SON: variants seen among roughly 807,000 people sequenced by gnomAD.
SON encodes SON DNA and RNA binding protein, also known as protein SON.
In SON, 4 loss-of-function variants were observed where a neutral mutation model predicts 173.3. The ratio of observed to expected loss-of-function variants is 0.02; its 90% CI spans 0.01 to 0.05. SON has a LOEUF of 0.05. SON is among the 10% of genes least tolerant of loss of function. The probability of loss-of-function intolerance (pLI) is 1.00; values close to 1 mark genes in which losing one functional copy is unlikely to be tolerated. For missense variants in SON, 2,626 were observed against 3,055.3 expected, an observed-to-expected ratio of 0.86 and a Z score of 3.31; for synonymous variants, 1,190 against 1,105.9, an observed-to-expected ratio of 1.08 and a Z score of -1.51.
chr21:33,573,894 C>T (rs1033885734), intron 9 of SON, among the ~76,000 whole-genome samples: 2 of 152,102 alleles, frequency 1.3e-5, no homozygotes, highest in East Asian at 1.9e-4. Flanking sequence ...ATTTCATAAA[C>T]CCTGTTTGCT....
At position 33,554,157 on chromosome 21, in the gene SON, A is replaced by G. The variant is rs1247121703; in HGVS notation, c.4926A>G (p.Val1642=). 2.5e-6 allele frequency: 4 copies of G among 1,614,156 alleles called. No individual in the cohort carries two copies. The South Asian group carries it at 4.4e-5, about 18-fold the overall frequency. Residue 1642 remains valine (V), a synonymous_variant, in exon 3 of 12, where the codon GTA becomes GTG. Coordinates refer to ENST00000356577, the MANE Select transcript of SON (RefSeq NM_138927.4). ...CTCAAGATACTGAACATGACATGGT[A>G]ATTTCCACCAGTCCTAGTGGTGGTA... ...LTTQDTEHDM[V]ISTSPSGGSE...
chr21:33,543,916 G>T (rs1330353288), intron 1 of SON, among the ~76,000 whole-genome samples: 3 of 152,200 alleles, frequency 2.0e-5, no homozygotes, highest in Non-Finnish European at 4.4e-5. Context: ...ATTGCTGGTA[G>T]ACTTTACATA....
In SON at chr21:33,543,133, T is replaced by C. The variant is rs778256652; in HGVS notation, c.41T>C (p.Val14Ala). 6.2e-7 allele frequency: 1 copy of C among 1,614,250 alleles called. No individual in the cohort carries two copies. Among genetic ancestry groups the C allele is most frequent in the Non-Finnish European group, 8.5e-7 (1 of 1,180,040 alleles). ...GAGCAGATTTTTAGGTCTTTCGTGG[T>C]CAGTAAATTCCGGGAAATTCAACAG... ...NIEQIFRSFV[V>A]SKFREIQQEL... Residue 14 changes from valine (V) to alanine (A), a missense_variant, in exon 1 of 12, where the codon GTC (valine) becomes GCC (alanine). Physicochemically the swap from Val to Ala is moderately conservative, Grantham distance 64. Transcript: ENST00000356577.
chr21:33,574,743 C>G (rs2086361786), intron 9 of SON, among the ~76,000 whole-genome samples: 1 of 152,200 alleles, frequency 6.6e-6, no homozygotes, highest in African/African-American at 2.4e-5. Context: ...AAGGAATACT[C>G]AACCTGTATA....
intron 6 of SON, among the ~76,000 whole-genome samples, chr21:33,561,808 A>C (rs989124227): frequency 6.6e-6 from 1 of 152,212 alleles, no homozygotes; most frequent in Non-Finnish European, 1.5e-5. Context: ...GTACTCAAAT[A>C]ATGGTGACAT....
At chr21:33,560,272 G>A in intron 6 of SON, 1 of 1,438,886 alleles carries the variant, frequency 6.9e-7, no homozygotes. Context: ...GTTTCTTACT[G>A]TTTCTCTGGG....
At chr21:33,547,142 T>C (rs1204013551) in intron 2 of SON, 1 of 150,980 alleles carries the variant, frequency 6.6e-6, no homozygotes. Flanking sequence ...GCCCGGCTAA[T>C]TTTTTTTTGT....
At chr21:33,576,096 TAAAATA>T (rs2086393782) in intron 11 of SON, among the ~76,000 whole-genome samples, 1 of 152,078 alleles carries the variant, frequency 6.6e-6, no homozygotes, top group South Asian at 2.1e-4. Context: ...TGGAAAAGGG[TAAAATA>T]TAGTATACAA....
Position 33,550,207 on chromosome 21 carries a change from A to G in SON, c.976A>G (p.Met326Val), listed in dbSNP as rs1221115997. ...CCCTGAGCCAAGCACATCAACAACA[A>G]TGGATTTTCCAGAGTCATCTGCAAT... ...VYPEPSTSTT[M>V]DFPESSAIEA... The change falls in exon 3 of 12, where the codon ATG becomes GTG. Residue 326 changes from methionine to valine, a missense_variant. By Grantham distance (21) the Met-to-Val change is conservative. Around this residue, in one of 13 missense-constraint regions of SON, gnomAD observed 757 missense variants for 730.1 expected, o/e 1.04. Transcript: ENST00000356577. 11 of 1,614,124 alleles carry G rather than the reference A, an allele frequency of 6.8e-6. No individual in the cohort carries two copies. The highest frequency in any genetic ancestry group is 2.2e-5 in the East Asian group (1 of 44,898).
chr21:33,565,157 G>T (rs1465688828), intron 6 of SON, among the ~76,000 whole-genome samples: 1 of 152,128 alleles, frequency 6.6e-6, no homozygotes, highest in African/African-American at 2.4e-5. Flanking sequence ...AACATTCGCA[G>T]GTGTAATAGT....
chr21:33,555,446 T>A, intron 3 of SON, 55 bp downstream of exon 3: 1 of 1,376,824 alleles, frequency 7.3e-7, no homozygotes, highest in Non-Finnish European at 9.5e-7. Flanking sequence ...TAAACCTTAA[T>A]TTTTTTCTGA....
In SON at chr21:33,555,105, C is replaced by T; in HGVS notation, c.5874C>T (p.Arg1958=). The T allele has an allele frequency of 6.7e-7, 1 of 1,495,294 alleles. No individual in the cohort carries two copies. The highest frequency in any genetic ancestry group is 9.0e-7 in the Non-Finnish European group (1 of 1,115,760). 92.6% of individuals were successfully genotyped at this position (1,495,294 alleles called of 1,614,324 possible). A position where few individuals can be genotyped will look rare whatever the true frequency, so the allele number is the denominator to read the frequency against. ...GCATTTCCCCAAGCCGCCGCAGCCG[C>T]ACCCCCAGCCGCCGCAGCCGCACCC... is the stretch of plus-strand genomic sequence containing the variant. ...SFSISPSRRS[R]TPSRRSRTPS... is the part of the protein sequence containing the mutation. The change falls in exon 3 of 12, where the codon CGC becomes CGT. Residue 1958 remains arginine, a synonymous_variant. Coordinates refer to ENST00000356577, the MANE Select transcript of SON (RefSeq NM_138927.4).
Position 33,548,109 on chromosome 21 carries a change from GTAAA to G in SON, c.245-1361_245-1358del, listed in dbSNP as rs537355683. On this transcript the variant is annotated intron_variant, in intron 2 of 11. Coordinates refer to ENST00000356577, the MANE Select transcript of SON (RefSeq NM_138927.4). The stretch of plus-strand genomic sequence containing the variant: ...TATCTAATTTGATATTGGCATTAGA[GTAAA>G]TAAATCCCATCTGGTTGTTAAAGTT... 6.0e-5 allele frequency among the ~76,000 whole-genome samples: 9 copies of G among 149,056 alleles called. No homozygotes were observed. The South Asian group carries it at 1.1e-3, about 18-fold the overall frequency.
chr21:33,558,161 T>G (rs369146513), intron 4 of SON: 1 of 152,816 alleles, frequency 6.5e-6, no homozygotes, highest in African/African-American at 2.4e-5. Flanking sequence ...TTTATCCTAT[T>G]GTAATATTTT....
At chr21:33,543,496 G>C (rs1294883535) in intron 1 of SON, 2 of 346,100 alleles carry the variant, frequency 5.8e-6, no homozygotes, top group Non-Finnish European at 1.1e-5. Flanking sequence ...GACGGGCCTA[G>C]TTCCTTCCTC....
intron 6 of SON, chr21:33,560,592 ATATC>A (rs973620718): frequency 2.1e-5 from 20 of 932,646 alleles, no homozygotes; most frequent in Non-Finnish European, 2.4e-5. Context: ...ATATATATAT[ATATC>A]TGTATCTTTG....
chr21:33,556,843 G>A (rs1463532114), intron 3 of SON, among the ~76,000 whole-genome samples: 1 of 151,790 alleles, frequency 6.6e-6, no homozygotes, highest in Non-Finnish European at 1.5e-5. Flanking sequence ...CTTAGAGTGT[G>A]TGTAGTAGGG....
chr21:33,575,900 A>C lies in SON; in HGVS notation c.7221+7A>C. ...CAAACATTTTCTCTTTAGGGTAAATATGAATTTCTGCATTAATTATATATA... is the reference window on the plus strand; with the variant it reads ...CAAACATTTTCTCTTTAGGGTAAATCTGAATTTCTGCATTAATTATATATA... On this transcript the variant is annotated splice_region_variant and intron_variant, in intron 11 of 11. Coordinates refer to ENST00000356577, the MANE Select transcript of SON (RefSeq NM_138927.4). 1.5e-6 allele frequency: 2 copies of C among 1,358,738 alleles called. No individual in the cohort carries two copies. Among genetic ancestry groups the C allele is most frequent in the Non-Finnish European group, 1.0e-6 (1 of 958,830 alleles). 84.2% of individuals were successfully genotyped at this position (1,358,738 alleles called of 1,614,324 possible).
rs540001537 is a variant in SON at position 33,549,082 on chromosome 21, T to G, written c.245-394T>G. Among the ~76,000 whole-genome samples the G allele has an allele frequency of 1.9e-4, 21 of 112,722 alleles. No homozygotes were observed. In the East Asian group the frequency reaches 2.4e-3, roughly 13 times the overall value. 74.0% of individuals were successfully genotyped at this position (112,722 alleles called of 152,430 possible). On this transcript the variant is annotated intron_variant, in intron 2 of 11. Transcript: ENST00000356577. ...TAACGTGAGGTGTTATACTGTGGGG[T>G]TTTTTTTTTTTTTTGAGACAGAGTC...
Sources: allele counts gnomAD v4.1 joint callset (sites outside exome capture counted in the v4.1 genomes callset), GRCh38; gene constraint gnomAD v4.1.1; regional missense constraint gnomAD v4.1.1; transcripts MANE v1.5; gene names NCBI Gene and HGNC (gene_info 2026-07-23, HGNC 2026-07-21).